JAM3: variants seen among roughly 807,000 people sequenced by gnomAD.
The protein encoded by JAM3 is junctional adhesion molecule C.
In JAM3, 31 loss-of-function variants were observed where a neutral mutation model predicts 39.4. That is an observed-to-expected ratio of 0.79 (90% confidence interval 0.59 to 1.06). The LOEUF is 1.06. JAM3 is among the 50% of genes least tolerant of loss of function. JAM3 has a pLI of 0.00. For synonymous variants in JAM3, 182 were observed against 148.7 expected (o/e 1.22, Z -1.63); for missense variants, 455 against 391.4 (o/e 1.16, Z -1.37).
At chr11:134,090,794 AAAAAAATC>A (rs1941833946) in intron 1 of JAM3, among the ~76,000 whole-genome samples, 1 of 152,112 alleles carries the variant, frequency 6.6e-6, no homozygotes, top group Non-Finnish European at 1.5e-5. Context: ...AGATGATTAA[AAAAAAATC>A]TATTGAAATA....
chr11:134,137,018 C>A (rs1252488681), intron 1 of JAM3, among the ~76,000 whole-genome samples: 1 of 151,296 alleles, frequency 6.6e-6, no homozygotes. Flanking sequence ...GAGGCTGAGG[C>A]AGGAGAATGG....
At chr11:134,120,263 T>G (rs1415405877) in intron 1 of JAM3, among the ~76,000 whole-genome samples, 1 of 152,240 alleles carries the variant, frequency 6.6e-6, no homozygotes, top group African/African-American at 2.4e-5. Flanking sequence ...CAGCGGCTAG[T>G]GCAGCCTCGC....
intron 1 of JAM3, among the ~76,000 whole-genome samples, chr11:134,083,675 A>G (rs1941702793): frequency 6.6e-6 from 1 of 152,150 alleles, no homozygotes; most frequent in Non-Finnish European, 1.5e-5. Context: ...AAAAAACACC[A>G]AAAAACCTCT....
rs564993603 is a variant in JAM3 at position 134,107,098 on chromosome 11, A to G, written c.77-32753A>G. ...GAACCAACCCAAATGTCCATCAATG[A>G]TAGACTGGATTAAGAAAATGTGGCA... On this transcript the variant is annotated intron_variant, in intron 1 of 8. Coordinates refer to ENST00000299106, the MANE Select transcript of JAM3 (RefSeq NM_032801.5). 3.7e-3 allele frequency among the ~76,000 whole-genome samples: 570 copies of G among 152,346 alleles called. 2 individuals carry two copies. Among genetic ancestry groups the G allele is most frequent in the African/African-American group, 0.013 (526 of 41,576 alleles).
intron 1 of JAM3, among the ~76,000 whole-genome samples, chr11:134,109,691 A>G (rs533185483): frequency 6.6e-6 from 1 of 152,356 alleles, no homozygotes; most frequent in South Asian, 2.1e-4. Context: ...TTTAAAGGGA[A>G]AAAGTGGGCT....
In JAM3 at chr11:134,127,720, G is replaced by A. The variant is rs183242784; in HGVS notation, c.77-12131G>A. On this transcript the variant is annotated intron_variant, in intron 1 of 8. Transcript: ENST00000299106. ...ATTTCAAAACAAAATAAAACTTGAT[G>A]CCTTTGAAAATAAATACAGAATTAG... Among the ~76,000 whole-genome samples the A allele has an allele frequency of 7.4e-4, 112 of 152,270 alleles. 1 individual carries two copies. The highest frequency in any genetic ancestry group is 1.8e-3 in the Admixed American group (27 of 15,288).
At chr11:134,069,244 G>A in intron 1 of JAM3, 85 bp downstream of exon 1, 6 of 1,529,984 alleles carry the variant, frequency 3.9e-6, no homozygotes, top group Non-Finnish European at 5.3e-6. Context: ...GAGCCGGTCC[G>A]GGCGAGGATA....
At chr11:134,143,808 C>T (rs887909681) in intron 3 of JAM3, among the ~76,000 whole-genome samples, 11 of 152,172 alleles carry the variant, frequency 7.2e-5, no homozygotes, top group African/African-American at 2.4e-4. Flanking sequence ...AGTTTTAACT[C>T]CTATGTTAGG....
intron 1 of JAM3, among the ~76,000 whole-genome samples, chr11:134,106,673 A>G (rs576503106): frequency 7.9e-4 from 121 of 152,376 alleles, no homozygotes; most frequent in Non-Finnish European, 1.4e-3. Flanking sequence ...TGGGCAAAGA[A>G]TATGAACAGA....
chr11:134,098,656 A>G (rs1269339389), intron 1 of JAM3, among the ~76,000 whole-genome samples: 1 of 152,182 alleles, frequency 6.6e-6, no homozygotes, highest in Non-Finnish European at 1.5e-5. Flanking sequence ...GTCAAAGTAC[A>G]CTGAACTCAT....
At position 134,149,545 on chromosome 11, in the gene JAM3, C is replaced by T. The variant is rs1189232396; in HGVS notation, c.*364C>T. On this transcript the variant is annotated 3_prime_UTR_variant, in exon 9 of 9. Transcript: ENST00000299106. ...TGAAGCCAGCATGTTCACCACTGGT[C>T]GTTCAGCAGCCACGACAGCACCATG... 2.2e-5 allele frequency: 11 copies of T among 492,660 alleles called. No homozygotes were observed. Among genetic ancestry groups the T allele is most frequent in the African/African-American group, 1.2e-4 (6 of 51,636 alleles). 30.5% of individuals were successfully genotyped at this position (492,660 alleles called of 1,614,324 possible). A position where few individuals can be genotyped will look rare whatever the true frequency, so the allele number is the denominator to read the frequency against.
chr11:134,098,869 C>T (rs1044577713), intron 1 of JAM3, among the ~76,000 whole-genome samples: 11 of 152,076 alleles, frequency 7.2e-5, no homozygotes, highest in African/African-American at 1.7e-4. Flanking sequence ...AGAGAAAGAC[C>T]TTTGGGTTAC....
chr11:134,099,014 A>G (rs1474508292), intron 1 of JAM3, among the ~76,000 whole-genome samples: 1 of 152,094 alleles, frequency 6.6e-6, no homozygotes, highest in East Asian at 1.9e-4. Context: ...AGCCTGGGAA[A>G]TATGATGAAA....
intron 1 of JAM3, among the ~76,000 whole-genome samples, chr11:134,079,769 G>A (rs1240859572): frequency 2.0e-5 from 3 of 152,148 alleles, no homozygotes; most frequent in Non-Finnish European, 4.4e-5. Flanking sequence ...GAGTGACTTT[G>A]TAGGCATATA....
chr11:134,143,604 T>A (rs1453718490), intron 3 of JAM3, among the ~76,000 whole-genome samples: 1 of 152,200 alleles, frequency 6.6e-6, no homozygotes, highest in Non-Finnish European at 1.5e-5. Context: ...GGATGCTAGG[T>A]TGGATGTACG....
intron 1 of JAM3, among the ~76,000 whole-genome samples, chr11:134,075,062 T>TA (rs563574620): frequency 1.3e-5 from 2 of 151,576 alleles, no homozygotes; most frequent in South Asian, 4.2e-4. Context: ...TACTGAAACT[T>TA]AATCAGCCAA....
chr11:134,083,333 A>G (rs1395014948), intron 1 of JAM3, among the ~76,000 whole-genome samples: 1 of 152,044 alleles, frequency 6.6e-6, no homozygotes, highest in Non-Finnish European at 1.5e-5. Flanking sequence ...TCTCCAACAC[A>G]GGCAATAGTG....
chr11:134,089,915 A>G (rs1941814246), intron 1 of JAM3, among the ~76,000 whole-genome samples: 2 of 152,220 alleles, frequency 1.3e-5, no homozygotes, highest in Non-Finnish European at 2.9e-5. Flanking sequence ...ACTAGTTTAC[A>G]GTCCCACCAA....
At chr11:134,103,222 A>G (rs1467949896) in intron 1 of JAM3, among the ~76,000 whole-genome samples, 1 of 152,164 alleles carries the variant, frequency 6.6e-6, no homozygotes, top group Non-Finnish European at 1.5e-5. Context: ...ATTCTTAAAG[A>G]AAAGAATTTT....
Sources: gnomAD v4.1 joint callset for allele counts (sites outside exome capture counted in the v4.1 genomes callset) on GRCh38, gnomAD v4.1.1 for gene constraint, MANE v1.5 for transcripts, NCBI Gene and HGNC (gene_info 2026-07-23, HGNC 2026-07-21) for gene names.